The following LRP6 variants were observed in gnomAD, a reference collection of about 807,000 sequenced individuals.
LRP6 encodes the protein LDL receptor related protein 6, also known as low-density lipoprotein receptor-related protein 6.
A neutral mutation model predicts 184.1 loss-of-function variants in LRP6; 43 were observed. The ratio of observed to expected loss-of-function variants is 0.23; its 90% CI spans 0.18 to 0.30. The LOEUF is 0.30. Ranked by LOEUF, LRP6 falls within the 10% of genes least tolerant of loss-of-function variation. The probability of loss-of-function intolerance (pLI) is 1.00; values close to 1 mark genes in which losing one functional copy is unlikely to be tolerated. For synonymous variants in LRP6, 719 were observed against 684.9 expected (o/e 1.05, Z -0.78); for missense variants, 1,571 against 2,005.3 (o/e 0.78, Z 4.14).
chr12:12,135,025 A>G, intron 17 of LRP6, 150 bp downstream of exon 17: 2 of 1,115,616 alleles, frequency 1.8e-6, no homozygotes, highest in South Asian at 1.4e-5. Flanking sequence ...GAATAACAGA[A>G]AAGCCTAGTA....
intron 3 of LRP6, 47 bp downstream of exon 3, chr12:12,203,156 C>A: frequency 7.3e-7 from 1 of 1,363,866 alleles, no homozygotes. Flanking sequence ...TGTATCAAGG[C>A]TTCATCGAGT....
intron 3 of LRP6, among the ~76,000 whole-genome samples, chr12:12,196,878 T>G (rs1459623997): frequency 6.6e-6 from 1 of 152,158 alleles, no homozygotes; most frequent in African/African-American, 2.4e-5. Flanking sequence ...CTTGTGATGT[T>G]AGTAGCCATC....
intron 2 of LRP6, among the ~76,000 whole-genome samples, chr12:12,226,296 A>G (rs1351112837): frequency 6.6e-6 from 1 of 152,242 alleles, no homozygotes; most frequent in Non-Finnish European, 1.5e-5. Context: ...ACAAAAAATT[A>G]CAAGGCATAC....
At chr12:12,144,511 T>G (rs1449208857) in intron 15 of LRP6, among the ~76,000 whole-genome samples, 1 of 152,088 alleles carries the variant, frequency 6.6e-6, no homozygotes, top group African/African-American at 2.4e-5. Context: ...TGTGGTGGTG[T>G]GTGCCCATAG....
chr12:12,171,768 GA>G (rs947148328), intron 7 of LRP6, among the ~76,000 whole-genome samples: 8 of 152,100 alleles, frequency 5.3e-5, no homozygotes, highest in Non-Finnish European at 1.0e-4. Context: ...GACACTATTA[GA>G]AAACTGACTT....
chr12:12,185,939 G>A (rs554581229), intron 4 of LRP6, among the ~76,000 whole-genome samples: 3 of 150,630 alleles, frequency 2.0e-5, no homozygotes, highest in Non-Finnish European at 3.0e-5. Context: ...TCTGCCTCCC[G>A]GGTTCAAGCG....
At chr12:12,175,855 A>T (rs1184162998) in intron 7 of LRP6, among the ~76,000 whole-genome samples, 1 of 151,938 alleles carries the variant, frequency 6.6e-6, no homozygotes, top group African/African-American at 2.4e-5. Context: ...AAATGGGTAT[A>T]TAACAAGAAA....
intron 1 of LRP6, among the ~76,000 whole-genome samples, 196 bp from the exon 2 acceptor site, chr12:12,244,851 T>TG (rs1272846530): frequency 2.0e-5 from 3 of 152,048 alleles, no homozygotes; most frequent in Non-Finnish European, 2.9e-5. Context: ...ACATAGGAAA[T>TG]GGGGGGAACT....
At position 12,121,350 on chromosome 12, in the gene LRP6, C is replaced by G; in HGVS notation, c.4618G>C (p.Asp1540His). The change falls in exon 23 of 23, where the codon GAC becomes CAC. Residue 1540 changes from aspartate (D) to histidine (H), a missense_variant. Asp to His is a moderately conservative substitution (Grantham distance 81, BLOSUM62 -1). Coordinates refer to ENST00000261349, the MANE Select transcript of LRP6 (RefSeq NM_002336.3). The part of the protein sequence containing the change: ...TPCSTDVCDS[D>H]YAPSRRMTSV... ...GTCATTCTCCGACTAGGAGCATAGTCACTGTCACAAACATCTGTGCTGCAG... is the reference window on the plus strand; with the variant it reads ...GTCATTCTCCGACTAGGAGCATAGTGACTGTCACAAACATCTGTGCTGCAG... The G allele has an allele frequency of 6.2e-7, 1 of 1,614,112 alleles. No homozygotes were observed.
intron 2 of LRP6, among the ~76,000 whole-genome samples, chr12:12,211,366 TG>T (rs1864206676): frequency 6.6e-6 from 1 of 152,126 alleles, no homozygotes; most frequent in Non-Finnish European, 1.5e-5. Flanking sequence ...CACTTGAACC[TG>T]GGAGGTGGAG....
At chr12:12,148,193 T>G (rs917409669) in intron 14 of LRP6, among the ~76,000 whole-genome samples, 1 of 151,856 alleles carries the variant, frequency 6.6e-6, no homozygotes, top group African/African-American at 2.4e-5. Context: ...TTTCATAGAT[T>G]AACAGAATAG....
intron 2 of LRP6, among the ~76,000 whole-genome samples, chr12:12,215,531 T>A (rs1591954990): frequency 6.6e-6 from 1 of 151,574 alleles, no homozygotes; most frequent in Non-Finnish European, 1.5e-5. Context: ...GTTCAAACAA[T>A]CCTCCTGCCT....
intron 3 of LRP6, 191 bp from the exon 4 acceptor site, chr12:12,187,310 C>T (rs1863499253): frequency 8.3e-6 from 5 of 601,942 alleles, no homozygotes; most frequent in Admixed American, 5.5e-5. Flanking sequence ...TTAAGGTGTC[C>T]AAAAGCCCCA....
intron 2 of LRP6, among the ~76,000 whole-genome samples, chr12:12,216,864 C>G (rs1471460470): frequency 1.4e-5 from 2 of 139,878 alleles, no homozygotes; most frequent in Non-Finnish European, 3.1e-5. Flanking sequence ...CCCCTGCAAT[C>G]TGGGATTATG....
Position 12,181,081 on chromosome 12 carries a change from T to C in LRP6, c.1335A>G (p.Leu445=). ...CTAACACAATAGCCCGGGGTTCCTC[T>C]AAGTCCTCTGAAATCAAGATCTTCC... ...TMRKILISED[L]EEPRAIVLDP... The change falls in exon 6 of 23, where the codon TTA becomes TTG. Residue 445 remains leucine (L), a synonymous_variant. Coordinates refer to ENST00000261349, the MANE Select transcript of LRP6 (RefSeq NM_002336.3). The C allele has an allele frequency of 6.2e-7, 1 of 1,614,146 alleles. No homozygotes were observed. The highest frequency in any genetic ancestry group is 8.5e-7 in the Non-Finnish European group (1 of 1,179,994).
chr12:12,136,013 C>T (rs946600826), intron 16 of LRP6, among the ~76,000 whole-genome samples: 1 of 151,962 alleles, frequency 6.6e-6, no homozygotes, highest in Admixed American at 6.6e-5. Flanking sequence ...AGTGAAATCC[C>T]GTCTCTACTA....
chr12:12,199,991 A>AAC (rs1565637698), intron 3 of LRP6, among the ~76,000 whole-genome samples: 9 of 148,810 alleles, frequency 6.0e-5, no homozygotes, highest in African/African-American at 1.7e-4. Flanking sequence ...AAAAAAAAAA[A>AAC]AAAACACAAG....
At chr12:12,245,791 A>G (rs548081183) in intron 1 of LRP6, among the ~76,000 whole-genome samples, 1 of 152,096 alleles carries the variant, frequency 6.6e-6, no homozygotes, top group Admixed American at 6.6e-5. Flanking sequence ...TTTTTATTAA[A>G]TATCTATTCC....
intron 7 of LRP6, among the ~76,000 whole-genome samples, chr12:12,173,347 C>A (rs1376298308): frequency 6.6e-6 from 1 of 152,062 alleles, no homozygotes; most frequent in Admixed American, 6.6e-5. Context: ...AAAATAAATT[C>A]TTTTGTTTTT....
Sources: allele counts gnomAD v4.1 joint callset (sites outside exome capture counted in the v4.1 genomes callset), GRCh38; gene constraint gnomAD v4.1.1; transcripts MANE v1.5; gene names NCBI Gene and HGNC (gene_info 2026-07-23, HGNC 2026-07-21).